EPHB1: variants seen among roughly 807,000 people sequenced by gnomAD.
EPHB1 encodes the protein ephrin type-B receptor 1.
A neutral mutation model predicts 94.4 loss-of-function variants in EPHB1; 30 were observed. The observed-to-expected ratio is 0.32, with a 90% CI of 0.24 to 0.43. EPHB1 has a LOEUF of 0.43. EPHB1 is among the 20% of genes least tolerant of loss of function. The probability of loss-of-function intolerance (pLI) is 1.00; values close to 1 mark genes in which losing one functional copy is unlikely to be tolerated. For synonymous variants in EPHB1, 522 were observed against 489.1 expected, an observed-to-expected ratio of 1.07 and a Z score of -0.89; for missense variants, 1,055 against 1,308.3, an observed-to-expected ratio of 0.81 and a Z score of 2.99.
chr3:135,210,613 A>C (rs1018676800), intron 12 of EPHB1, among the ~76,000 whole-genome samples: 1 of 152,182 alleles, frequency 6.6e-6, no homozygotes, highest in Non-Finnish European at 1.5e-5. Flanking sequence ...ATTTGCCATA[A>C]ACCCAACCTC....
At chr3:134,822,913 A>C (rs1405469973) in intron 1 of EPHB1, among the ~76,000 whole-genome samples, 1 of 152,206 alleles carries the variant, frequency 6.6e-6, no homozygotes, top group African/African-American at 2.4e-5. Context: ...GTGACTGGCA[A>C]GGCCTGCAAC....
chr3:135,159,570 G>T (rs991882321), intron 6 of EPHB1, among the ~76,000 whole-genome samples: 1 of 152,228 alleles, frequency 6.6e-6, no homozygotes, highest in Non-Finnish European at 1.5e-5. Flanking sequence ...TGTCAAAGTA[G>T]AAATGATCAA....
chr3:135,232,606 C>A (rs1943560668), intron 12 of EPHB1, among the ~76,000 whole-genome samples: 1 of 103,208 alleles, frequency 9.7e-6, no homozygotes, highest in Non-Finnish European at 2.4e-5. Flanking sequence ...TTAATGAGGC[C>A]AATTTGCTGC....
At chr3:134,913,274 G>C (rs2038494312) in intron 1 of EPHB1, among the ~76,000 whole-genome samples, 1 of 152,192 alleles carries the variant, frequency 6.6e-6, no homozygotes, top group Non-Finnish European at 1.5e-5. Context: ...AGGGGTGAGG[G>C]GGGAGCTCAG....
chr3:135,220,719 C>G (rs1943256727), intron 12 of EPHB1, among the ~76,000 whole-genome samples: 1 of 151,682 alleles, frequency 6.6e-6, no homozygotes, highest in Non-Finnish European at 1.5e-5. Flanking sequence ...AGGAGAGGAC[C>G]CAGGTGACAA....
intron 6 of EPHB1, among the ~76,000 whole-genome samples, chr3:135,160,279 A>G (rs12636613): frequency 0.35 from 53,150 of 152,076 alleles, 9,616 homozygotes; most frequent in East Asian, 0.57. Flanking sequence ...CTTTGACTTC[A>G]CAAAGTAGGC....
chr3:134,952,424 A>G (rs1423622149), intron 3 of EPHB1, among the ~76,000 whole-genome samples: 1 of 151,484 alleles, frequency 6.6e-6, no homozygotes, highest in East Asian at 1.9e-4. Context: ...TCCTGCATCC[A>G]GCCCTAAGCT....
At chr3:135,059,990 G>A (rs1937448513) in intron 3 of EPHB1, among the ~76,000 whole-genome samples, 1 of 152,210 alleles carries the variant, frequency 6.6e-6, no homozygotes, top group Admixed American at 6.5e-5. Context: ...GAAGGGATGA[G>A]TGCACAAGTG....
At chr3:135,070,171 C>T (rs7639311) in intron 3 of EPHB1, among the ~76,000 whole-genome samples, 2,079 of 152,286 alleles carry the variant, frequency 0.014, 52 homozygotes, top group African/African-American at 0.047. Context: ...TCACAATCCA[C>T]GTTATCCAAC....
chr3:134,824,352 A>G (rs1320866172), intron 1 of EPHB1, among the ~76,000 whole-genome samples: 9 of 152,148 alleles, frequency 5.9e-5, no homozygotes. Context: ...TGCTGGGCAC[A>G]GTGCCAGTTG....
intron 3 of EPHB1, among the ~76,000 whole-genome samples, chr3:134,953,373 G>C (rs1933113242): frequency 6.6e-6 from 1 of 152,220 alleles, no homozygotes; most frequent in Admixed American, 6.5e-5. Context: ...TGGATTTCTT[G>C]GTCCTGGTAC....
chr3:134,986,710 T>TC (rs1934610452), intron 3 of EPHB1, among the ~76,000 whole-genome samples: 1 of 67,722 alleles, frequency 1.5e-5, no homozygotes, highest in South Asian at 6.6e-4. Flanking sequence ...TTAAAGATAT[T>TC]AACACACACA....
At chr3:135,217,424 C>CCACACACACA (rs200312241) in intron 12 of EPHB1, among the ~76,000 whole-genome samples, 23 of 143,494 alleles carry the variant, frequency 1.6e-4, no homozygotes, top group South Asian at 4.6e-4. Context: ...CCCATCAGTA[C>CCACACACACA]CACACACACA....
chr3:134,889,977 T>G lies in EPHB1; in HGVS notation c.59-35839T>G, dbSNP rs150316886. 1.4e-3 allele frequency among the ~76,000 whole-genome samples: 211 copies of G among 152,262 alleles called. 2 individuals carry two copies. The highest frequency in any genetic ancestry group is 4.6e-3 in the African/African-American group (192 of 41,556). ...TTATATTAAAATGATTTAAAAATGT[T>G]TCAGACCTACAAAAAGTATATGCAA... On this transcript the variant is annotated intron_variant, in intron 1 of 15. Coordinates refer to ENST00000398015, the MANE Select transcript of EPHB1 (RefSeq NM_004441.5).
intron 8 of EPHB1, 44 bp from the exon 9 acceptor site, chr3:135,166,898 T>A: frequency 6.2e-7 from 1 of 1,608,396 alleles, no homozygotes; most frequent in South Asian, 1.1e-5. Context: ...AACAGACTGG[T>A]GGGTGTGCCC....
intron 3 of EPHB1, among the ~76,000 whole-genome samples, chr3:135,096,818 C>T (rs541213548): frequency 4.4e-4 from 67 of 152,250 alleles, no homozygotes; most frequent in Non-Finnish European, 7.8e-4. Flanking sequence ...ATATTCGGGG[C>T]CAGGCACAAT....
intron 3 of EPHB1, among the ~76,000 whole-genome samples, chr3:135,040,641 T>G (rs1936803322): frequency 6.6e-6 from 1 of 152,222 alleles, no homozygotes; most frequent in Non-Finnish European, 1.5e-5. Context: ...GGAGCTGCTG[T>G]TGAGGATGTT....
At chr3:134,976,783 T>C (rs945330824) in intron 3 of EPHB1, among the ~76,000 whole-genome samples, 5 of 152,172 alleles carry the variant, frequency 3.3e-5, no homozygotes, top group Non-Finnish European at 5.9e-5. Context: ...CAGGAGTTTG[T>C]ATCAAAAGCC....
chr3:135,192,427 T>C, intron 10 of EPHB1, 149 bp from the exon 11 acceptor site: 2 of 964,100 alleles, frequency 2.1e-6, no homozygotes. Flanking sequence ...GCCAAAACAA[T>C]ATAGTTACAA....
Sources: allele counts gnomAD v4.1 joint callset (sites outside exome capture counted in the v4.1 genomes callset), GRCh38; gene constraint gnomAD v4.1.1; transcripts MANE v1.5; gene names NCBI Gene and HGNC (gene_info 2026-07-23, HGNC 2026-07-21).